The following TMEM132D variants were observed in gnomAD, a reference collection of about 807,000 sequenced individuals.
The protein encoded by TMEM132D is transmembrane protein 132D.
TMEM132D carries 21 observed loss-of-function variants against 62.3 expected under a neutral mutation model. The ratio of observed to expected loss-of-function variants is 0.34; its 90% confidence interval spans 0.24 to 0.49. TMEM132D has a LOEUF of 0.49. Among genes scored for constraint, TMEM132D ranks in the 20% least tolerant of loss-of-function variants. TMEM132D has a pLI of 0.99. For synonymous variants in TMEM132D, 621 were observed against 575.6 expected (o/e 1.08, Z -1.13); for missense variants, 1,346 against 1,402.8 (o/e 0.96, Z 0.65).
At chr12:129,736,726 AAG>A (rs575873589) in intron 1 of TMEM132D, among the ~76,000 whole-genome samples, 52 of 152,134 alleles carry the variant, frequency 3.4e-4, no homozygotes, top group Non-Finnish European at 7.4e-4. Flanking sequence ...TGTACTTCTT[AAG>A]AGAGAAAGAC....
intron 5 of TMEM132D, among the ~76,000 whole-genome samples, chr12:129,209,133 A>C (rs1878947296): frequency 6.6e-6 from 1 of 152,022 alleles, no homozygotes; most frequent in African/African-American, 2.4e-5. Context: ...ATCATCCCGG[A>C]GTGTGGCCGC....
intron 4 of TMEM132D, among the ~76,000 whole-genome samples, chr12:129,279,393 AT>A (rs138825419): frequency 6.6e-6 from 1 of 152,024 alleles, no homozygotes; most frequent in Non-Finnish European, 1.5e-5. Flanking sequence ...TTCCTAAAGA[AT>A]TTTTTTTGGG....
At chr12:129,271,261 A>G (rs1880846560) in intron 4 of TMEM132D, among the ~76,000 whole-genome samples, 1 of 149,420 alleles carries the variant, frequency 6.7e-6, no homozygotes, top group Non-Finnish European at 1.5e-5. Flanking sequence ...GTGGATTTTC[A>G]AGATCATTAG....
In TMEM132D at chr12:129,747,889, A is replaced by G. The variant is rs7309854; in HGVS notation, c.80-47191T>C. On this transcript the variant is annotated intron_variant, in intron 1 of 8. Coordinates refer to ENST00000422113, the MANE Select transcript of TMEM132D (RefSeq NM_133448.3). The stretch of plus-strand genomic sequence containing the variant: ...ACGACACACACACACATTCAGACAC[A>G]CACACAGCTGAACTCATCTCCCTGC... Among the ~76,000 whole-genome samples the G allele has an allele frequency of 6.6e-3, 1,012 of 152,192 alleles. 11 individuals carry two copies. The highest frequency in any genetic ancestry group is 0.023 in the African/African-American group (936 of 41,506).
intron 5 of TMEM132D, among the ~76,000 whole-genome samples, chr12:129,107,419 A>G (rs765118627): frequency 2.0e-5 from 3 of 152,234 alleles, no homozygotes; most frequent in Admixed American, 6.5e-5. Flanking sequence ...ATATTTCAAC[A>G]TGCCGTTTGA....
At chr12:129,862,566 G>A (rs1873933073) in intron 1 of TMEM132D, among the ~76,000 whole-genome samples, 1 of 152,180 alleles carries the variant, frequency 6.6e-6, no homozygotes, top group Non-Finnish European at 1.5e-5. Context: ...GGCAGCCATG[G>A]GGGTTGATCA....
chr12:129,183,756 G>A (rs1454576512), intron 5 of TMEM132D, among the ~76,000 whole-genome samples: 1 of 151,388 alleles, frequency 6.6e-6, no homozygotes, highest in African/African-American at 2.4e-5. Flanking sequence ...GTCCCCTTGG[G>A]TAGGGACACG....
At chr12:129,880,029 C>T (rs1449361089) in intron 1 of TMEM132D, among the ~76,000 whole-genome samples, 1 of 151,800 alleles carries the variant, frequency 6.6e-6, no homozygotes, top group African/African-American at 2.4e-5. Context: ...TCAGAGAATC[C>T]CAAGCAGGAT....
chr12:129,087,526 C>G (rs1874658667), intron 5 of TMEM132D, among the ~76,000 whole-genome samples: 2 of 150,918 alleles, frequency 1.3e-5, no homozygotes, highest in Admixed American at 1.3e-4. Context: ...AGAGATTTGA[C>G]TGCAGCGGGA....
chr12:129,388,397 A>G (rs375226541), intron 3 of TMEM132D, among the ~76,000 whole-genome samples: 2,006 of 62,354 alleles, frequency 0.032, 1 homozygote, highest in Non-Finnish European at 0.041. Context: ...ACTAACACGA[A>G]TCCTAATATA....
chr12:129,295,577 C>T (rs189182340), intron 4 of TMEM132D, among the ~76,000 whole-genome samples: 13 of 152,018 alleles, frequency 8.6e-5, no homozygotes, highest in Middle Eastern at 3.4e-3. Flanking sequence ...TTTACAAGCA[C>T]GCACCACCAT....
chr12:129,635,787 A>T lies in TMEM132D; in HGVS notation c.968+64023T>A, dbSNP rs265611. Among the ~76,000 whole-genome samples the T allele has an allele frequency of 2.5e-3, 381 of 152,286 alleles. 3 individuals are homozygous for T. Among genetic ancestry groups the T allele is most frequent in the African/African-American group, 7.0e-3 (291 of 41,560 alleles). On this transcript the variant is annotated intron_variant, in intron 2 of 8. Coordinates refer to ENST00000422113, the MANE Select transcript of TMEM132D (RefSeq NM_133448.3). ...GCCAAATGTGAGTGACCATGGCCCA[A>T]GACGCAGCCTCAGGAGGTCCTAAGA... is the stretch of plus-strand genomic sequence containing the variant.
chr12:129,785,162 T>A (rs925033370), intron 1 of TMEM132D, among the ~76,000 whole-genome samples: 1 of 152,152 alleles, frequency 6.6e-6, no homozygotes, highest in African/African-American at 2.4e-5. Flanking sequence ...CTGCTGTGTG[T>A]AGGCGCCGTC....
chr12:129,141,601 T>C (rs2135530670), intron 5 of TMEM132D, among the ~76,000 whole-genome samples: 1 of 152,154 alleles, frequency 6.6e-6, no homozygotes, highest in Non-Finnish European at 1.5e-5. Flanking sequence ...CCTGTAGACT[T>C]TACTGAATTT....
At position 129,751,404 on chromosome 12, in the gene TMEM132D, C is replaced by T. The variant is rs1869996489; in HGVS notation, c.80-50706G>A. ...TAAATCCACCCTGTGATCTAATCAC[C>T]TCCCACCATGTCCCTCCCCTGACAT... On this transcript the variant is annotated intron_variant, in intron 1 of 8. Transcript: ENST00000422113. Among the ~76,000 whole-genome samples, 4 of 152,292 alleles carry T rather than the reference C, an allele frequency of 2.6e-5. 1 individual carries two copies. In the South Asian group the frequency reaches 8.3e-4, roughly 32 times the overall value.
chr12:129,649,119 G>C (rs955323626), intron 2 of TMEM132D, among the ~76,000 whole-genome samples: 1 of 152,076 alleles, frequency 6.6e-6, no homozygotes, highest in Non-Finnish European at 1.5e-5. Flanking sequence ...ATATTTAGAG[G>C]GGATAAGAAA....
chr12:129,333,367 G>A (rs1367898551), intron 4 of TMEM132D, among the ~76,000 whole-genome samples: 1 of 152,200 alleles, frequency 6.6e-6, no homozygotes, highest in Non-Finnish European at 1.5e-5. Flanking sequence ...CATTAAAAAT[G>A]TGTGCAAAGA....
At chr12:129,660,399 G>A (rs1880205684) in intron 2 of TMEM132D, among the ~76,000 whole-genome samples, 1 of 152,056 alleles carries the variant, frequency 6.6e-6, no homozygotes. Context: ...TGCCTCCTCT[G>A]CTGGCCTCTC....
chr12:129,381,602 T>C (rs10847851), intron 3 of TMEM132D, among the ~76,000 whole-genome samples: 104,560 of 152,082 alleles, frequency 0.69, 36,584 homozygotes, highest in Non-Finnish European at 0.76. Context: ...TTCTGTGGCT[T>C]TGAAGTGGAA....
Sources: gnomAD v4.1 joint callset for allele counts (sites outside exome capture counted in the v4.1 genomes callset) on GRCh38, gnomAD v4.1.1 for gene constraint, MANE v1.5 for transcripts, NCBI Gene and HGNC (gene_info 2026-07-23, HGNC 2026-07-21) for gene names.